Variants in HAP1 observed in about 807,000 individuals in gnomAD.
HAP1 encodes the protein huntingtin-associated protein 1.
Under a neutral mutation model 60.3 loss-of-function variants are expected in HAP1, and 59 were observed. That is an observed-to-expected ratio of 0.98 (90% CI 0.79 to 1.22). The LOEUF (loss-of-function observed/expected upper bound fraction) is 1.22. HAP1 is among the 50% of genes most tolerant of loss of function. The probability of loss-of-function intolerance (pLI) is 0.00; values close to 1 mark genes in which losing one functional copy is unlikely to be tolerated. For missense variants in HAP1, 825 were observed against 785.3 expected (o/e 1.05, Z -0.60); for synonymous variants, 346 against 330.6 (o/e 1.05, Z -0.50).
rs1911281899 is a variant in HAP1, at chr17:41,722,696, TAGG to T, written c.*2002_*2004del. 6.6e-6 allele frequency: 1 copy of T among 151,798 alleles called. No homozygotes were observed. The highest frequency in any genetic ancestry group is 2.4e-5 in the African/African-American group (1 of 41,226). 9.4% of individuals were successfully genotyped at this position (151,798 alleles called of 1,614,324 possible). A position where few individuals can be genotyped will look rare whatever the true frequency, so the allele number is the denominator to read the frequency against. ...CACACGCACACAGGCTGACAAGCAA[TAGG>T]AGATTGAGAGGTGCTGTGTGAAGGG... On this transcript the variant is annotated 3_prime_UTR_variant, in exon 11 of 11. Transcript: ENST00000347901.
At chr17:41,728,627 G>A (rs949187459) in intron 6 of HAP1, among the ~76,000 whole-genome samples, 4 of 152,200 alleles carry the variant, frequency 2.6e-5, no homozygotes, top group Non-Finnish European at 4.4e-5. Context: ...AATGTCAAGG[G>A]TGTACAGGGC....
At chr17:41,725,767 C>T (rs1158271067) in intron 10 of HAP1, 92 bp downstream of exon 10, 27 of 925,398 alleles carry the variant, frequency 2.9e-5, no homozygotes, top group Admixed American at 3.5e-5. Flanking sequence ...GGGCCTTCTC[C>T]GGAGTTGCAG....
rs782681572 is a variant in HAP1 at position 41,732,223 on chromosome 17, C to G, written c.714+7G>C. ...GGCCCGCTATCCTCTCCTCCCCACC[C>G]GGTTACCTCCTCCTTGGCTGAGCCC... On this transcript the variant is annotated splice_region_variant and intron_variant, in intron 3 of 10. Transcript: ENST00000347901. The G allele has an allele frequency of 5.0e-6, 8 of 1,604,774 alleles. No homozygotes were observed. Among genetic ancestry groups the G allele is most frequent in the Non-Finnish European group, 6.8e-6 (8 of 1,175,054 alleles).
chr17:41,732,523 A>T (rs1364165108), intron 2 of HAP1, 129 bp from the exon 3 acceptor site: 8 of 1,064,796 alleles, frequency 7.5e-6, no homozygotes, highest in Non-Finnish European at 9.7e-6. Context: ...GTTTCCCCTC[A>T]TGGAAAAAGA....
At position 41,723,937 on chromosome 17, in the gene HAP1, C is replaced by T. The variant is rs569096453; in HGVS notation, c.*764G>A. The T allele has an allele frequency of 8.5e-5, 13 of 152,526 alleles. No individual in the cohort carries two copies. The East Asian group carries it at 1.7e-3, about 20-fold the overall frequency. 9.4% of individuals were successfully genotyped at this position (152,526 alleles called of 1,614,324 possible). A position where few individuals can be genotyped will look rare whatever the true frequency, so the allele number is the denominator to read the frequency against. ...TTAGCTCTCTGAGCCTCACCCTCCT[C>T]ACCTAACCAATGGGGACACATCACC... On this transcript the variant is annotated 3_prime_UTR_variant, in exon 11 of 11. Transcript: ENST00000347901.
At position 41,725,777 on chromosome 17, in the gene HAP1, G is replaced by C. The variant is rs1911578670; in HGVS notation, c.1406+82C>G. The C allele has an allele frequency of 7.9e-6, 8 of 1,017,918 alleles. No individual in the cohort carries two copies. In the Middle Eastern group the frequency reaches 1.1e-3, roughly 134 times the overall value. 63.1% of individuals were successfully genotyped at this position (1,017,918 alleles called of 1,614,324 possible). On this transcript the variant is annotated intron_variant, in intron 10 of 10. Coordinates refer to ENST00000347901, the MANE Select transcript of HAP1 (RefSeq NM_177977.3). ...TAGCAGGGCCTTCTCCGGAGTTGCA[G>C]GGTGGCAGAACCAGAGGCAGGTGGG...
rs1435740081 is a variant in HAP1 at position 41,724,613 on chromosome 17, T to C, written c.*88A>G. The C allele has an allele frequency of 5.4e-6, 5 of 923,828 alleles. No individual in the cohort carries two copies. In the African/African-American group the frequency reaches 8.3e-5, roughly 15 times the overall value. The allele number at this position is 923,828 out of a possible 1,614,324, so 57.2% of individuals were successfully genotyped here. A position where few individuals can be genotyped will look rare whatever the true frequency, so the allele number is the denominator to read the frequency against. ...AGGGGATCAGAGGTGTCTATGCAAATGATATGCAAAGTCCATGCAAATAAG... is the reference window on the plus strand; with the variant it reads ...AGGGGATCAGAGGTGTCTATGCAAACGATATGCAAAGTCCATGCAAATAAG... On this transcript the variant is annotated 3_prime_UTR_variant, in exon 11 of 11. Coordinates refer to ENST00000347901, the MANE Select transcript of HAP1 (RefSeq NM_177977.3).
rs1555592390 is a variant in HAP1, at chr17:41,734,604, C to T, written c.31G>A (p.Ala11Thr). The T allele has an allele frequency of 6.4e-7, 1 of 1,567,002 alleles. No homozygotes were observed. Among genetic ancestry groups the T allele is most frequent in the Admixed American group, 1.8e-5 (1 of 56,524 alleles). Residue 11 changes from alanine (A) to threonine (T), a missense_variant, in exon 1 of 11, where the codon GCG (alanine) becomes ACG (threonine). Ala to Thr is a moderately conservative substitution (Grantham distance 58). Transcript: ENST00000347901. ...TCCCCGGGTCCGAGCCGGCTCCCCG[C>T]GCAGCACCGGCCCAACCTCTTCGGG... MRPKRLGRCC[A>T]GSRLGPGDPA...
intron 8 of HAP1, chr17:41,727,397 C>T (rs1477080205): frequency 3.8e-6 from 3 of 779,994 alleles, no homozygotes; most frequent in East Asian, 2.4e-5. Context: ...TCAGCATGCC[C>T]CCACAATCCA....
chr17:41,719,293 A>C (rs1460230943), downstream of HAP1, among the ~76,000 whole-genome samples: 1 of 152,110 alleles, frequency 6.6e-6, no homozygotes, highest in Non-Finnish European at 1.5e-5. Context: ...ATGTATTTTA[A>C]AGCAGTAGAT....
chr17:41,733,054 G>T (rs561959941), intron 1 of HAP1, among the ~76,000 whole-genome samples: 1,401 of 98,394 alleles, frequency 0.014, no homozygotes, highest in Middle Eastern at 0.023. Context: ...TTTTTTTTTG[G>T]TTTTTTTTTT....
rs930114087 is a variant in HAP1, at chr17:41,727,233, C to A, written c.1276-89G>T. 4 of 818,982 alleles carry A rather than the reference C, an allele frequency of 4.9e-6. No homozygotes were observed. In the African/African-American group the frequency reaches 6.7e-5, roughly 14 times the overall value. The allele number at this position is 818,982 out of a possible 1,614,324, so 50.7% of individuals were successfully genotyped here. On this transcript the variant is annotated intron_variant, in intron 8 of 10. Transcript: ENST00000347901. ...CACAGAAGGGAACTGGGATCTCAATCAGCCACCAAGGCTGAGACACAGGCA... is the reference window on the plus strand; with the variant it reads ...CACAGAAGGGAACTGGGATCTCAATAAGCCACCAAGGCTGAGACACAGGCA...
downstream of HAP1, among the ~76,000 whole-genome samples, chr17:41,719,824 T>C (rs1157444912): frequency 3.3e-5 from 5 of 150,472 alleles, no homozygotes; most frequent in African/African-American, 7.3e-5. Flanking sequence ...TGAGTATCAA[T>C]AAAATAAGTC....
At position 41,723,324 on chromosome 17, in the gene HAP1, G is replaced by A. The variant is rs1555587554; in HGVS notation, c.*1377C>T. 1 of 152,804 alleles carries A rather than the reference G, an allele frequency of 6.5e-6. No individual in the cohort carries two copies. The highest frequency in any genetic ancestry group is 1.5e-5 in the Non-Finnish European group (1 of 68,136). The allele number at this position is 152,804 out of a possible 1,614,324, so 9.5% of individuals were successfully genotyped here. On this transcript the variant is annotated 3_prime_UTR_variant, in exon 11 of 11. Transcript: ENST00000347901. ...GGAAAAGCCTCCAACATGTGGGAAA[G>A]GGCAGAACATGGAAGAGGAAGCCAG... is the stretch of plus-strand genomic sequence containing the variant.
At position 41,724,497 on chromosome 17, in the gene HAP1, C is replaced by T; in HGVS notation, c.*204G>A. 1.7e-6 allele frequency: 1 copy of T among 589,308 alleles called. No individual in the cohort carries two copies. The highest frequency in any genetic ancestry group is 3.0e-6 in the Non-Finnish European group (1 of 330,818). 36.5% of individuals were successfully genotyped at this position (589,308 alleles called of 1,614,324 possible). On this transcript the variant is annotated 3_prime_UTR_variant, in exon 11 of 11. Coordinates refer to ENST00000347901, the MANE Select transcript of HAP1 (RefSeq NM_177977.3). ...GGGGGCACAGTCCCAGCCCTAACCC[C>T]CAGCCCAGCCCCCAGGAGAAAAGTG...
chr17:41,725,844 C>T lies in HAP1; in HGVS notation c.1406+15G>A, dbSNP rs1230683981. ...AGCTGAGGGCAGGTTGTAGGGGAGC[C>T]CCTGGCAGGCTTACCTTAGGCTGGA... On this transcript the variant is annotated intron_variant, in intron 10 of 10. Transcript: ENST00000347901. 2.5e-6 allele frequency: 4 copies of T among 1,607,924 alleles called. No homozygotes were observed. Among genetic ancestry groups the T allele is most frequent in the Admixed American group, 3.3e-5 (2 of 59,990 alleles).
Position 41,734,301 on chromosome 17 carries a change from GC to G in HAP1, c.333del (p.Pro112ArgfsTer65). On this transcript the variant is annotated frameshift_variant, in exon 1 of 11. Coordinates refer to ENST00000347901, the MANE Select transcript of HAP1 (RefSeq NM_177977.3). LOFTEE classifies it high-confidence loss of function. ...DAPWTRFVFQ[G>X]PFGSRATGRG... ...CGGCCAGTGGCCCGGGAACCAAACG[GC>G]CCTTGGAATACGAAGCGGGTCCACG... is the stretch of plus-strand genomic sequence containing the variant. The G allele has an allele frequency of 6.2e-7, 1 of 1,609,216 alleles. No homozygotes were observed. The highest frequency in any genetic ancestry group is 8.5e-7 in the Non-Finnish European group (1 of 1,177,718).
rs782793268 is a variant in HAP1, at chr17:41,734,458, C to G, written c.177G>C (p.Gln59His). The G allele has an allele frequency of 3.1e-6, 5 of 1,610,062 alleles. No homozygotes were observed. Among genetic ancestry groups the G allele is most frequent in the Non-Finnish European group, 4.2e-6 (5 of 1,177,774 alleles). ...CTCCGGTGCGGGCTTCCGAGAGGAA[C>G]TGGGATCCAGAGGTGGCTCGGGATC... is the stretch of plus-strand genomic sequence containing the variant. ...RVGSRATSGSQFLSEARTGAR... is the reference protein window; with the variant it reads ...RVGSRATSGSHFLSEARTGAR... Residue 59 changes from glutamine to histidine, a missense_variant, in exon 1 of 11, where the codon CAG becomes CAC. By Grantham distance (24) the Gln-to-His change is conservative. Transcript: ENST00000347901.
At position 41,724,958 on chromosome 17, in the gene HAP1, C is replaced by CT; in HGVS notation, c.1602dup (p.Glu535ArgfsTer15). On this transcript the variant is annotated frameshift_variant, in exon 11 of 11. Coordinates refer to ENST00000347901, the MANE Select transcript of HAP1 (RefSeq NM_177977.3). LOFTEE classifies it low-confidence loss of function (END_TRUNC). ...ACCTCCTCCCAGCCCTCGGTCTCCT[C>CT]TGACACCAGCTCTGCCTCTTCCATC... 9 of 1,612,834 alleles carry CT rather than the reference C, an allele frequency of 5.6e-6. No individual in the cohort carries two copies. Among genetic ancestry groups the CT allele is most frequent in the Non-Finnish European group, 6.8e-6 (8 of 1,180,002 alleles).
Sources: allele counts gnomAD v4.1 joint callset (sites outside exome capture counted in the v4.1 genomes callset), GRCh38; gene constraint gnomAD v4.1.1; transcripts MANE v1.5; gene names NCBI Gene and HGNC (gene_info 2026-07-23, HGNC 2026-07-21).